Variants in SUCLG1 observed in about 807,000 individuals in gnomAD.
SUCLG1 encodes succinate--CoA ligase [ADP/GDP-forming] subunit alpha, mitochondrial.
Under a neutral mutation model 37.3 loss-of-function variants are expected in SUCLG1, and 26 were observed. The observed-to-expected ratio is 0.70, with a 90% CI of 0.51 to 0.97. SUCLG1 has a LOEUF of 0.97. Ranked by LOEUF, SUCLG1 falls within the 50% of genes least tolerant of loss-of-function variation. The pLI is 0.00. For synonymous variants in SUCLG1, 163 were observed against 155.6 expected (o/e 1.05, Z -0.36); for missense variants, 433 against 432.9 (o/e 1.00, Z 0.00).
intron 1 of SUCLG1, among the ~76,000 whole-genome samples, chr2:84,451,779 C>A (rs190623836): frequency 3.3e-4 from 50 of 152,300 alleles, no homozygotes; most frequent in Admixed American, 3.3e-3. Context: ...ACCTCTAATG[C>A]ACAGGTGTAG....
intron 5 of SUCLG1, among the ~76,000 whole-genome samples, chr2:84,440,011 A>G (rs1378887725): frequency 2.6e-5 from 4 of 152,214 alleles, no homozygotes; most frequent in East Asian, 3.9e-4. Flanking sequence ...GGTGCTCTAC[A>G]TTATTAGTCA....
intron 8 of SUCLG1, among the ~76,000 whole-genome samples, chr2:84,424,735 G>A (rs1672509125): frequency 6.6e-6 from 1 of 151,912 alleles, no homozygotes; most frequent in African/African-American, 2.4e-5. Flanking sequence ...GGGAGAGAGA[G>A]CCTTAAATGA....
chr2:84,430,289 C>T (rs1672595749), intron 7 of SUCLG1, among the ~76,000 whole-genome samples: 1 of 152,178 alleles, frequency 6.6e-6, no homozygotes, highest in South Asian at 2.1e-4. Context: ...GCAGTCCTTA[C>T]AATAACTCTA....
chr2:84,453,093 C>T (rs1316710270), intron 1 of SUCLG1, among the ~76,000 whole-genome samples: 1 of 152,126 alleles, frequency 6.6e-6, no homozygotes, highest in Non-Finnish European at 1.5e-5. Flanking sequence ...AGTACAAACG[C>T]CATGCTGACA....
chr2:84,425,353 G>C, intron 8 of SUCLG1, 62 bp downstream of exon 8: 7 of 1,594,046 alleles, frequency 4.4e-6, no homozygotes, highest in Non-Finnish European at 6.0e-6. Flanking sequence ...CAGGTATCCA[G>C]TGTGGCCACA....
At chr2:84,459,149 G>A (rs1673105155) in intron 1 of SUCLG1, 24 bp downstream of exon 1, 1 of 1,533,030 alleles carries the variant, frequency 6.5e-7, no homozygotes, top group Admixed American at 2.0e-5. Flanking sequence ...CGGGCGCCAG[G>A]AAGACAGTAC....
At chr2:84,453,553 T>C (rs1339078200) in intron 1 of SUCLG1, among the ~76,000 whole-genome samples, 1 of 152,074 alleles carries the variant, frequency 6.6e-6, no homozygotes, top group South Asian at 2.1e-4. Context: ...TATCTGGGAC[T>C]ATAGGCCCAC....
chr2:84,445,239 T>C (rs1189521237), intron 2 of SUCLG1, among the ~76,000 whole-genome samples: 3 of 152,242 alleles, frequency 2.0e-5, no homozygotes, highest in Non-Finnish European at 4.4e-5. Context: ...TAAATGTCTA[T>C]GAAATCTTCA....
chr2:84,428,007 GCAGCATGCAAGGAGCTACATGGT>G (rs1672559742), intron 7 of SUCLG1, among the ~76,000 whole-genome samples: 1 of 152,112 alleles, frequency 6.6e-6, no homozygotes, highest in African/African-American at 2.4e-5. Flanking sequence ...CCACTAAGAT[GCAGCATGCAAGGAGCTACATGGT>G]CAGACACTGC....
At chr2:84,438,515 T>C (rs988985494) in intron 5 of SUCLG1, among the ~76,000 whole-genome samples, 3 of 152,256 alleles carry the variant, frequency 2.0e-5, no homozygotes, top group African/African-American at 4.8e-5. Context: ...TACATTATAT[T>C]CCATTCAGAA....
chr2:84,431,436 A>C (rs781250063), intron 7 of SUCLG1, 72 bp downstream of exon 7: 33 of 1,595,672 alleles, frequency 2.1e-5, no homozygotes, highest in Non-Finnish European at 2.7e-5. Context: ...CTTTGAAAAA[A>C]TAAAAATAAC....
At chr2:84,428,475 C>T (rs1055450931) in intron 7 of SUCLG1, among the ~76,000 whole-genome samples, 2 of 152,076 alleles carry the variant, frequency 1.3e-5, no homozygotes, top group Non-Finnish European at 2.9e-5. Flanking sequence ...TTTACTCATT[C>T]ACTCATAAGA....
intron 5 of SUCLG1, among the ~76,000 whole-genome samples, chr2:84,437,586 T>C (rs1011312476): frequency 6.6e-6 from 1 of 152,198 alleles, no homozygotes; most frequent in Non-Finnish European, 1.5e-5. Context: ...ACATTGCTGG[T>C]AGACATGGAA....
rs565538789 is a variant in SUCLG1, at chr2:84,436,057, G to A, written c.590-2622C>T. ...TTGCAGTACAATTCCAGTACCTTCC[G>A]GTAACAAGAGGGCTCATTTCTTGTC... On this transcript the variant is annotated intron_variant, in intron 5 of 8. Coordinates refer to ENST00000393868, the MANE Select transcript of SUCLG1 (RefSeq NM_003849.4). Among the ~76,000 whole-genome samples the A allele has an allele frequency of 5.3e-5, 8 of 152,128 alleles. No individual in the cohort carries two copies. The East Asian group carries it at 1.2e-3, about 22-fold the overall frequency.
At chr2:84,439,434 A>G (rs958593664) in intron 5 of SUCLG1, among the ~76,000 whole-genome samples, 1 of 152,200 alleles carries the variant, frequency 6.6e-6, no homozygotes, top group Non-Finnish European at 1.5e-5. Context: ...AGACCCAAGA[A>G]TATAAGAAAT....
chr2:84,425,546 T>C lies in SUCLG1; in HGVS notation c.883A>G (p.Arg295Gly), dbSNP rs1157096670. 2 of 1,614,010 alleles carry C rather than the reference T, an allele frequency of 1.2e-6. No homozygotes were observed. Among genetic ancestry groups the C allele is most frequent in the Non-Finnish European group, 1.7e-6 (2 of 1,180,038 alleles). The change falls in exon 8 of 9, where the codon AGA (arginine) becomes GGA (glycine). Residue 295 changes from arginine to glycine, a missense_variant. Transcript: ENST00000393868. ...ATTGCCCCGGCATGACCCATTCTTC[T>C]CCCAGGAGGAGCAGTTAAACCAGCA... ...FIAGLTAPPG[R>G]RMGHAGAIIA...
intron 3 of SUCLG1, among the ~76,000 whole-genome samples, chr2:84,441,943 A>G (rs752574324): frequency 1.5e-4 from 23 of 152,176 alleles, no homozygotes; most frequent in Non-Finnish European, 2.9e-4. Flanking sequence ...TCTAAAGTCT[A>G]CAAATACTGC....
chr2:84,435,286 C>T (rs1672671203), intron 5 of SUCLG1, among the ~76,000 whole-genome samples: 1 of 152,134 alleles, frequency 6.6e-6, no homozygotes, highest in Non-Finnish European at 1.5e-5. Context: ...TCCTGATCAC[C>T]CCCAAAGAGA....
chr2:84,449,565 T>A, intron 2 of SUCLG1, 84 bp downstream of exon 2: 1 of 943,982 alleles, frequency 1.1e-6, no homozygotes, highest in Non-Finnish European at 1.6e-6. Flanking sequence ...TCATGTGTTA[T>A]TTTTGAGATA....
Sources: allele counts gnomAD v4.1 joint callset (sites outside exome capture counted in the v4.1 genomes callset), GRCh38; gene constraint gnomAD v4.1.1; transcripts MANE v1.5; gene names NCBI Gene and HGNC (gene_info 2026-07-23, HGNC 2026-07-21).